The following TRPC4 variants were observed in gnomAD, a reference collection of about 807,000 sequenced individuals.
TRPC4 encodes the protein transient receptor potential cation channel subfamily C member 4, also known as short transient receptor potential channel 4.
Under a neutral mutation model 99.4 loss-of-function variants are expected in TRPC4, and 49 were observed. That is an observed-to-expected ratio of 0.49 (90% confidence interval 0.39 to 0.63). TRPC4 has a LOEUF of 0.63. Among genes scored for constraint, TRPC4 ranks in the 20% least tolerant of loss-of-function variants. The probability of loss-of-function intolerance (pLI) is 0.00; values close to 1 mark genes in which losing one functional copy is unlikely to be tolerated. For missense variants in TRPC4, 898 were observed against 1,152.9 expected, an observed-to-expected ratio of 0.78 and a Z score of 3.20; for synonymous variants, 454 against 425.9, an observed-to-expected ratio of 1.07 and a Z score of -0.81.
At chr13:37,682,533 G>A (rs1315122175) in intron 4 of TRPC4, among the ~76,000 whole-genome samples, 1 of 152,120 alleles carries the variant, frequency 6.6e-6, no homozygotes, top group East Asian at 1.9e-4. Flanking sequence ...AAACAAAGAT[G>A]AGGACAAGGA....
At chr13:37,844,422 G>A (rs1382368602) in intron 1 of TRPC4, among the ~76,000 whole-genome samples, 1 of 152,074 alleles carries the variant, frequency 6.6e-6, no homozygotes, top group Non-Finnish European at 1.5e-5. Flanking sequence ...AGCCTCCCAA[G>A]TAGCTGGGAT....
chr13:37,815,564 C>T (rs1320119463), intron 1 of TRPC4, among the ~76,000 whole-genome samples: 1 of 151,818 alleles, frequency 6.6e-6, no homozygotes, highest in Non-Finnish European at 1.5e-5. Context: ...ATAAGAAGAC[C>T]TAACTATTCT....
chr13:37,807,310 T>C (rs1274430325), intron 1 of TRPC4, among the ~76,000 whole-genome samples: 1 of 152,054 alleles, frequency 6.6e-6, no homozygotes, highest in African/African-American at 2.4e-5. Flanking sequence ...AACATTCCAC[T>C]GGAGCATTTG....
chr13:37,741,174 A>G (rs191074777), intron 3 of TRPC4, among the ~76,000 whole-genome samples: 5 of 152,332 alleles, frequency 3.3e-5, no homozygotes, highest in Admixed American at 2.6e-4. Context: ...AATATTGTCA[A>G]TCATGTAACA....
chr13:37,669,984 G>A (rs997287157), intron 5 of TRPC4, among the ~76,000 whole-genome samples: 3 of 152,148 alleles, frequency 2.0e-5, no homozygotes, highest in South Asian at 2.1e-4. Context: ...ATGAGGTCAT[G>A]AGGGTGGGCT....
chr13:37,796,222 GCAA>G (rs1389913593), intron 1 of TRPC4, among the ~76,000 whole-genome samples: 1 of 152,164 alleles, frequency 6.6e-6, no homozygotes, highest in African/African-American at 2.4e-5. Flanking sequence ...AATAACAATA[GCAA>G]CAACAACAAC....
intron 3 of TRPC4, among the ~76,000 whole-genome samples, chr13:37,732,641 T>C (rs1327232126): frequency 1.3e-5 from 2 of 152,102 alleles, no homozygotes; most frequent in African/African-American, 4.8e-5. Context: ...AAAGCCAATG[T>C]ACAAAAATCA....
At chr13:37,754,078 T>C (rs975702589) in intron 2 of TRPC4, among the ~76,000 whole-genome samples, 4 of 152,136 alleles carry the variant, frequency 2.6e-5, no homozygotes, top group Non-Finnish European at 5.9e-5. Flanking sequence ...TCAACTTTAC[T>C]ACCTGTTTCA....
At chr13:37,792,579 A>G (rs1471856124) in intron 1 of TRPC4, among the ~76,000 whole-genome samples, 1 of 152,146 alleles carries the variant, frequency 6.6e-6, no homozygotes, top group Admixed American at 6.6e-5. Flanking sequence ...GTGGCAATAC[A>G]TTTTACAAAT....
At chr13:37,651,488 T>C in intron 7 of TRPC4, 29 bp from the exon 8 acceptor site, 6 of 1,595,246 alleles carry the variant, frequency 3.8e-6, no homozygotes, top group Non-Finnish European at 5.2e-6. Flanking sequence ...CAACTGATGA[T>C]AGGTTCCTTA....
intron 3 of TRPC4, among the ~76,000 whole-genome samples, chr13:37,725,311 G>C (rs370642392): frequency 2.6e-5 from 4 of 151,988 alleles, no homozygotes; most frequent in African/African-American, 9.6e-5. Flanking sequence ...GAGGCAGAGA[G>C]AATATTTGAG....
intron 1 of TRPC4, among the ~76,000 whole-genome samples, chr13:37,797,134 C>T (rs1405296830): frequency 1.3e-5 from 2 of 151,432 alleles, no homozygotes; most frequent in Non-Finnish European, 2.9e-5. Context: ...AAGCTGTGAT[C>T]GTACCACTGC....
chr13:37,847,649 A>G (rs1958941501), intron 1 of TRPC4, among the ~76,000 whole-genome samples: 1 of 152,126 alleles, frequency 6.6e-6, no homozygotes, highest in African/African-American at 2.4e-5. Flanking sequence ...ATTCTGCCTC[A>G]ATGATTAATG....
chr13:37,788,211 T>A (rs1370376871), intron 1 of TRPC4, among the ~76,000 whole-genome samples: 1 of 152,120 alleles, frequency 6.6e-6, no homozygotes, highest in African/African-American at 2.4e-5. Flanking sequence ...TCTCTAATAT[T>A]TCATACCAAC....
intron 3 of TRPC4, among the ~76,000 whole-genome samples, chr13:37,730,266 C>T (rs1593606762): frequency 6.6e-6 from 1 of 151,786 alleles, no homozygotes; most frequent in East Asian, 1.9e-4. Context: ...TATTATTATG[C>T]TTTATTACTT....
At chr13:37,733,124 T>G (rs1010183699) in intron 3 of TRPC4, among the ~76,000 whole-genome samples, 21 of 152,090 alleles carry the variant, frequency 1.4e-4, no homozygotes, top group African/African-American at 4.8e-4. Context: ...GATTCAAAAA[T>G]TAGCCCCGTG....
At chr13:37,639,345 C>T in intron 8 of TRPC4, 46 bp from the exon 9 acceptor site, 2 of 1,543,070 alleles carry the variant, frequency 1.3e-6, no homozygotes, top group Non-Finnish European at 1.8e-6. Context: ...TGTTATATTA[C>T]TATTCTAAAA....
chr13:37,853,983 T>C (rs1245449782), intron 1 of TRPC4, among the ~76,000 whole-genome samples: 1 of 151,906 alleles, frequency 6.6e-6, no homozygotes, highest in East Asian at 1.9e-4. Flanking sequence ...AAAGAGGAAG[T>C]AGAGAAAGAG....
intron 7 of TRPC4, among the ~76,000 whole-genome samples, 168 bp downstream of exon 7, chr13:37,654,920 A>C (rs1243928386): frequency 6.6e-6 from 1 of 152,214 alleles, no homozygotes; most frequent in African/African-American, 2.4e-5. Context: ...TTATAGCTAC[A>C]TATAGTGTGC....
Sources: allele counts gnomAD v4.1 joint callset (sites outside exome capture counted in the v4.1 genomes callset), GRCh38; gene constraint gnomAD v4.1.1; transcripts MANE v1.5; gene names NCBI Gene and HGNC (gene_info 2026-07-23, HGNC 2026-07-21).